The following ZNF718 variants were observed in gnomAD, a reference collection of about 807,000 sequenced individuals.
ZNF718 encodes zinc finger protein 718.
ZNF718 carries 3 observed loss-of-function variants against 2.6 expected under a neutral mutation model. The ratio of observed to expected loss-of-function variants is 1.16; its 90% CI spans 0.53 to 3.01. ZNF718 has a LOEUF of 3.01. ZNF718 is among the 30% of genes most tolerant of loss of function. The probability of loss-of-function intolerance (pLI) is 0.03; values close to 1 mark genes in which losing one functional copy is unlikely to be tolerated. For synonymous variants in ZNF718, 135 were observed against 77.9 expected (o/e 1.73, Z -3.86); for missense variants, 468 against 230.0 (o/e 2.03, Z -6.69).
chr4:189,591 C>G (rs900325997), intron 3 of ZNF718, among the ~76,000 whole-genome samples: 1 of 152,050 alleles, frequency 6.6e-6, no homozygotes, highest in East Asian at 1.9e-4. Flanking sequence ...TATTCTACTT[C>G]TTTTCTAATC....
rs1397328669 is a variant in ZNF718 at position 172,014 on chromosome 4, T to G, written c.227-29067T>G. 2.0e-5 allele frequency among the ~76,000 whole-genome samples: 3 copies of G among 152,236 alleles called. No homozygotes were observed. In the East Asian group the frequency reaches 5.8e-4, roughly 29 times the overall value. On this transcript the variant is annotated intron_variant and NMD_transcript_variant, in intron 3 of 4. Coordinates refer to the ZNF718 transcript ENST00000642529. Reference sequence around the variant, plus strand: ...CTGTCGAGATATTTTACATTAACTTTCTATGACATACTTATAGCAAAACTT... The same window carrying G: ...CTGTCGAGATATTTTACATTAACTTGCTATGACATACTTATAGCAAAACTT...
chr4:149,709 T>G (rs1156393592), intron 3 of ZNF718: 3 of 152,150 alleles, frequency 2.0e-5, no homozygotes, highest in Non-Finnish European at 2.9e-5. Context: ...ATTATTTATT[T>G]TCTTTGGTGG....
chr4:158,485 GC>G (rs1716675933), intron 3 of ZNF718, among the ~76,000 whole-genome samples: 1 of 106,618 alleles, frequency 9.4e-6, no homozygotes, highest in Non-Finnish European at 2.1e-5. Flanking sequence ...GTATTGATAG[GC>G]CCTTACTTCT....
chr4:192,235 A>G (rs1032292943), intron 3 of ZNF718, among the ~76,000 whole-genome samples: 1 of 152,160 alleles, frequency 6.6e-6, no homozygotes, highest in Non-Finnish European at 1.5e-5. Flanking sequence ...CAAATTTAAT[A>G]GAGTGAAAAC....
In ZNF718 at chr4:152,036, G is replaced by A. The variant is rs1324679123; in HGVS notation, c.227-8876G>A. Among the ~76,000 whole-genome samples the A allele has an allele frequency of 5.4e-5, 8 of 147,250 alleles. No homozygotes were observed. In the East Asian group the frequency reaches 1.4e-3, roughly 26 times the overall value. On this transcript the variant is annotated intron_variant, in intron 3 of 3. Coordinates refer to ENST00000510175, the MANE Select transcript of ZNF718 (RefSeq NM_001039127.6). ...TCTTTGCATCATAGACAATGTAAAG[G>A]ATTAAGTGCTGTGCTTTTAGATATG...
At chr4:174,278 G>A (rs919490527) in intron 3 of ZNF718, among the ~76,000 whole-genome samples, 2 of 152,090 alleles carry the variant, frequency 1.3e-5, no homozygotes, top group Admixed American at 1.3e-4. Flanking sequence ...CCCTCTCTGG[G>A]AACGTTTTGT....
At position 128,509 on chromosome 4, in the gene ZNF718, C is replaced by G. The variant is rs1715286293; in HGVS notation, c.4-2279C>G. On this transcript the variant is annotated intron_variant, in intron 1 of 3. Coordinates refer to ENST00000510175, the MANE Select transcript of ZNF718 (RefSeq NM_001039127.6). ...AGAGTACTTTTGTCCTTCTTCTTAC[C>G]TCAGAGTTAGCTGATCAGGGACAGG... Among the ~76,000 whole-genome samples, 2 of 102,706 alleles carry G rather than the reference C, an allele frequency of 1.9e-5. 1 individual carries two copies. Among genetic ancestry groups the G allele is most frequent in the East Asian group, 1.1e-3 (2 of 1,834 alleles). The allele number at this position is 102,706 out of a possible 152,430, so 67.4% of individuals were successfully genotyped here.
At chr4:194,699 C>T (rs1221107793) in intron 3 of ZNF718, among the ~76,000 whole-genome samples, 2 of 152,144 alleles carry the variant, frequency 1.3e-5, no homozygotes, top group Admixed American at 6.5e-5. Context: ...AGAGAATTTA[C>T]CTAGGTCTAT....
At chr4:138,616 C>T (rs1388176341) in intron 3 of ZNF718, among the ~76,000 whole-genome samples, 3 of 152,026 alleles carry the variant, frequency 2.0e-5, no homozygotes, top group Non-Finnish European at 4.4e-5. Flanking sequence ...CTCTGATGTC[C>T]TGATTTCCTT....
Position 129,902 on chromosome 4 carries a change from T to C in ZNF718, c.4-886T>C, listed in dbSNP as rs1482615888. Among the ~76,000 whole-genome samples the C allele has an allele frequency of 2.9e-5, 3 of 104,782 alleles. 1 individual carries two copies. Among genetic ancestry groups the C allele is most frequent in the African/African-American group, 9.9e-5 (3 of 30,264 alleles). The allele number at this position is 104,782 out of a possible 152,430, so 68.7% of individuals were successfully genotyped here. On this transcript the variant is annotated intron_variant, in intron 1 of 3. Coordinates refer to ENST00000510175, the MANE Select transcript of ZNF718 (RefSeq NM_001039127.6). ...TAGTATTAACACACATAATGTGAAC[T>C]TCCCAGCACACTGCTCTATGGCATA...
intron 3 of ZNF718, among the ~76,000 whole-genome samples, chr4:188,378 A>G (rs1188689242): frequency 1.3e-5 from 2 of 152,196 alleles, no homozygotes; most frequent in African/African-American, 4.8e-5. Context: ...CAGCAAAGAT[A>G]GTGGCCTGGC....
intron 3 of ZNF718, 148 bp from the exon 4 acceptor site, chr4:160,764 G>A: frequency 1.8e-6 from 1 of 553,514 alleles, no homozygotes; most frequent in South Asian, 2.7e-5. Flanking sequence ...TGTTGGCCAG[G>A]CTGGTCTCGA....
chr4:144,396 C>G (rs1457804309), intron 3 of ZNF718, among the ~76,000 whole-genome samples: 3 of 152,238 alleles, frequency 2.0e-5, no homozygotes, highest in South Asian at 2.1e-4. Context: ...CAGTTTTATG[C>G]CATTTTAATT....
intron 3 of ZNF718, among the ~76,000 whole-genome samples, chr4:181,358 T>G (rs1553819790): frequency 6.6e-6 from 1 of 151,846 alleles, no homozygotes. Flanking sequence ...AGATATTTTT[T>G]GCCTAATCCA....
At chr4:135,611 G>A (rs925053526) in intron 3 of ZNF718, among the ~76,000 whole-genome samples, 2 of 151,702 alleles carry the variant, frequency 1.3e-5, no homozygotes, top group South Asian at 2.1e-4. Context: ...CCAGCTTGAC[G>A]GTTTAGCTTA....
intron 3 of ZNF718, among the ~76,000 whole-genome samples, chr4:139,889 C>T (rs1454925240): frequency 1.3e-5 from 2 of 152,152 alleles, no homozygotes; most frequent in Non-Finnish European, 2.9e-5. Flanking sequence ...AATGGGTTTC[C>T]GTGCAGAGAA....
intron 3 of ZNF718, among the ~76,000 whole-genome samples, chr4:186,696 T>C (rs184218222): frequency 6.6e-6 from 1 of 152,356 alleles, no homozygotes; most frequent in East Asian, 1.9e-4. Flanking sequence ...ACTTGGTCTA[T>C]TGTGCTATTA....
rs781919471 is a variant in ZNF718 at position 161,166 on chromosome 4, G to A, written c.481G>A (p.Asp161Asn). The A allele has an allele frequency of 4.0e-6, 3 of 756,080 alleles. No homozygotes were observed. The highest frequency in any genetic ancestry group is 7.3e-6 in the Non-Finnish European group (3 of 408,868). The allele number at this position is 756,080 out of a possible 1,614,324, so 46.8% of individuals were successfully genotyped here. ...VFHKFSNSNKDKIRYTGDKTF... is the reference protein window; with the variant it reads ...VFHKFSNSNKNKIRYTGDKTF... ...TCATAAATTTTCAAATTCAAACAAA[G>A]ATAAGATAAGATATACTGGAGATAA... Residue 161 changes from aspartate to asparagine, a missense_variant, in exon 4 of 4, where the codon GAT (aspartate) becomes AAT (asparagine). Coordinates refer to ENST00000510175, the MANE Select transcript of ZNF718 (RefSeq NM_001039127.6).
chr4:182,299 C>T (rs782102405), intron 3 of ZNF718, among the ~76,000 whole-genome samples: 1 of 152,124 alleles, frequency 6.6e-6, no homozygotes, highest in African/African-American at 2.4e-5. Flanking sequence ...AAGAGCATTC[C>T]TTTTTTCCCA....
Sources: gnomAD v4.1 joint callset for allele counts (sites outside exome capture counted in the v4.1 genomes callset) on GRCh38, gnomAD v4.1.1 for gene constraint, MANE v1.5 for transcripts, NCBI Gene and HGNC (gene_info 2026-07-23, HGNC 2026-07-21) for gene names.